The following IGSF21 variants were observed in gnomAD, a reference collection of about 807,000 sequenced individuals.
The protein encoded by IGSF21 is immunoglobin superfamily member 21.
A neutral mutation model predicts 46.8 loss-of-function variants in IGSF21; 28 were observed. The ratio of observed to expected loss-of-function variants is 0.60; its 90% CI spans 0.44 to 0.82. IGSF21 has a LOEUF of 0.82. Among genes scored for constraint, IGSF21 ranks in the 40% least tolerant of loss-of-function variants. The pLI is 0.00. For missense variants in IGSF21, 624 were observed against 665.5 expected (o/e 0.94, Z 0.69); for synonymous variants, 284 against 273.6 (o/e 1.04, Z -0.38).
intron 1 of IGSF21, among the ~76,000 whole-genome samples, chr1:18,125,097 G>A (rs1474219676): frequency 3.3e-5 from 5 of 152,160 alleles, no homozygotes; most frequent in Non-Finnish European, 7.3e-5. Context: ...ACTCACTGGA[G>A]AGACATAAAA....
Position 18,212,951 on chromosome 1 carries a change from T to A in IGSF21, c.71-14947T>A, listed in dbSNP as rs144412543. Reference sequence around the variant, plus strand: ...AAGACGGTCAGGGAAAAGACACTAGTATGGTAGAAAGGTCATAGGACTGTG... The same window carrying A: ...AAGACGGTCAGGGAAAAGACACTAGAATGGTAGAAAGGTCATAGGACTGTG... On this transcript the variant is annotated intron_variant, in intron 1 of 9. Transcript: ENST00000251296. Among the ~76,000 whole-genome samples the A allele has an allele frequency of 5.8e-3, 887 of 152,312 alleles. 2 individuals carry two copies. Among genetic ancestry groups the A allele is most frequent in the Middle Eastern group, 0.01 (3 of 294 alleles).
intron 2 of IGSF21, among the ~76,000 whole-genome samples, chr1:18,282,116 T>C (rs1292112025): frequency 6.6e-6 from 1 of 152,076 alleles, no homozygotes; most frequent in Non-Finnish European, 1.5e-5. Flanking sequence ...GGTCCAGCAG[T>C]TGATGGCCCC....
chr1:18,284,818 G>A (rs984168259), intron 2 of IGSF21, among the ~76,000 whole-genome samples: 3 of 152,222 alleles, frequency 2.0e-5, no homozygotes, highest in African/African-American at 7.2e-5. Flanking sequence ...GGGATTGGAA[G>A]CTGTGCTGGG....
intron 2 of IGSF21, among the ~76,000 whole-genome samples, chr1:18,239,564 C>T (rs1178442754): frequency 6.6e-6 from 1 of 152,224 alleles, no homozygotes; most frequent in East Asian, 1.9e-4. Flanking sequence ...TTTCTTCAGC[C>T]TTGCTTCCTA....
chr1:18,301,181 AG>A (rs777642358), intron 3 of IGSF21, among the ~76,000 whole-genome samples: 12 of 152,192 alleles, frequency 7.9e-5, no homozygotes, highest in Non-Finnish European at 1.6e-4. Flanking sequence ...CACTTGTCCA[AG>A]GTCAAGCAGG....
intron 2 of IGSF21, among the ~76,000 whole-genome samples, chr1:18,235,022 A>G (rs12040189): frequency 0.21 from 32,478 of 152,164 alleles, 3,939 homozygotes; most frequent in East Asian, 0.27. Context: ...TGGAAGTTCT[A>G]TTGGAAACCG....
chr1:18,218,656 A>G lies in IGSF21; in HGVS notation c.71-9242A>G, dbSNP rs188547482. Among the ~76,000 whole-genome samples, 26 of 152,362 alleles carry G rather than the reference A, an allele frequency of 1.7e-4. No individual in the cohort carries two copies. In the East Asian group the frequency reaches 3.9e-3, roughly 23 times the overall value. On this transcript the variant is annotated intron_variant, in intron 1 of 9. Coordinates refer to ENST00000251296, the MANE Select transcript of IGSF21 (RefSeq NM_032880.5). ...CCTACAGTCTTACTGGGTAATACTT[A>G]AAAAGTGCAGAATACAAATGAAAAT...
At chr1:18,272,037 T>C (rs1267706357) in intron 2 of IGSF21, among the ~76,000 whole-genome samples, 1 of 151,402 alleles carries the variant, frequency 6.6e-6, no homozygotes, top group African/African-American at 2.4e-5. Context: ...GAAAAAGAGG[T>C]TTAATGGACT....
At chr1:18,308,254 G>A (rs1486317545) in intron 3 of IGSF21, among the ~76,000 whole-genome samples, 1 of 152,166 alleles carries the variant, frequency 6.6e-6, no homozygotes, top group Non-Finnish European at 1.5e-5. Context: ...GCTTCTAGGG[G>A]ACCGCTTCTT....
intron 1 of IGSF21, among the ~76,000 whole-genome samples, chr1:18,157,616 G>GGAT (rs1557561982): frequency 6.6e-6 from 1 of 152,070 alleles, no homozygotes; most frequent in East Asian, 1.9e-4. Flanking sequence ...TGGTACACAC[G>GGAT]TTAAGCAAGA....
At chr1:18,345,702 G>A (rs761672069) in intron 4 of IGSF21, among the ~76,000 whole-genome samples, 3 of 152,140 alleles carry the variant, frequency 2.0e-5, no homozygotes, top group Non-Finnish European at 4.4e-5. Flanking sequence ...TGTTTATTGA[G>A]CATTTACTAT....
chr1:18,148,743 G>C (rs2086493566), intron 1 of IGSF21, among the ~76,000 whole-genome samples: 1 of 152,154 alleles, frequency 6.6e-6, no homozygotes, highest in Non-Finnish European at 1.5e-5. Flanking sequence ...CATAGACCCT[G>C]CCCTCAGAGA....
At chr1:18,207,973 C>G (rs757849517) in intron 1 of IGSF21, among the ~76,000 whole-genome samples, 3 of 152,022 alleles carry the variant, frequency 2.0e-5, no homozygotes, top group East Asian at 3.9e-4. Flanking sequence ...AGAAAAAAAA[C>G]GGGTTCAAAA....
intron 4 of IGSF21, among the ~76,000 whole-genome samples, chr1:18,345,209 G>A (rs2085880738): frequency 6.6e-6 from 1 of 152,188 alleles, no homozygotes; most frequent in Admixed American, 6.5e-5. Context: ...AAAAGGTGGA[G>A]GCTAGATAAT....
At chr1:18,184,384 G>A (rs546250752) in intron 1 of IGSF21, among the ~76,000 whole-genome samples, 65 of 152,094 alleles carry the variant, frequency 4.3e-4, no homozygotes, top group African/African-American at 1.4e-3. Context: ...ATTTGGAAAC[G>A]TCCCTGGGGT....
chr1:18,376,440 G>A, intron 7 of IGSF21, 45 bp downstream of exon 7: 3 of 1,373,140 alleles, frequency 2.2e-6, no homozygotes, highest in Non-Finnish European at 3.1e-6. Flanking sequence ...GGAGGTGGTA[G>A]AGGCACCGAC....
intron 1 of IGSF21, among the ~76,000 whole-genome samples, chr1:18,209,762 G>C (rs1293620068): frequency 6.6e-6 from 1 of 151,966 alleles, no homozygotes; most frequent in South Asian, 2.1e-4. Context: ...ACCCGGCCAG[G>C]CCTGCTTTCT....
chr1:18,259,166 CTG>C (rs1279307612), intron 2 of IGSF21, among the ~76,000 whole-genome samples: 5 of 152,206 alleles, frequency 3.3e-5, no homozygotes, highest in African/African-American at 9.6e-5. Context: ...AGCCACATGA[CTG>C]AGGCCAGTTT....
At chr1:18,356,006 C>T (rs972255039) in intron 4 of IGSF21, among the ~76,000 whole-genome samples, 4 of 151,790 alleles carry the variant, frequency 2.6e-5, no homozygotes, top group Non-Finnish European at 1.5e-5. Flanking sequence ...CAGCTAATTG[C>T]GTATTTTTAG....
Sources: gnomAD v4.1 joint callset for allele counts (sites outside exome capture counted in the v4.1 genomes callset) on GRCh38, gnomAD v4.1.1 for gene constraint, MANE v1.5 for transcripts, NCBI Gene and HGNC (gene_info 2026-07-23, HGNC 2026-07-21) for gene names.